INTU: variants seen among roughly 807,000 people sequenced by gnomAD.
INTU encodes protein inturned.
Under a neutral mutation model 100.5 loss-of-function variants are expected in INTU, and 68 were observed. The observed-to-expected ratio is 0.68, with a 90% CI of 0.56 to 0.83. The LOEUF (loss-of-function observed/expected upper bound fraction) is 0.83, where lower values mean the gene tolerates loss of function less well. Among genes scored for constraint, INTU ranks in the 40% least tolerant of loss-of-function variants. The probability of loss-of-function intolerance (pLI) is 0.00; values close to 1 mark genes in which losing one functional copy is unlikely to be tolerated. For synonymous variants in INTU, 357 were observed against 395.7 expected (o/e 0.90, Z 1.16); for missense variants, 1,071 against 1,114.7 (o/e 0.96, Z 0.56).
intron 2 of INTU, among the ~76,000 whole-genome samples, chr4:127,650,174 G>A (rs1284973615): frequency 2.6e-5 from 4 of 152,042 alleles, no homozygotes; most frequent in Non-Finnish European, 4.4e-5. Context: ...ATGCCACATG[G>A]ATTTAATTAG....
rs182926878 is a variant in INTU at position 127,691,490 on chromosome 4, A to G, written c.1449+3623A>G. 1.6e-3 allele frequency among the ~76,000 whole-genome samples: 239 copies of G among 152,090 alleles called. 1 individual carries two copies. The highest frequency in any genetic ancestry group is 7.1e-3 in the South Asian group (34 of 4,822). Reference sequence around the variant, plus strand: ...TCTAGTTCTGTCTCATTGTTATTTTAATTTGCATTTCCCTGATGACCATAT... The same window carrying G: ...TCTAGTTCTGTCTCATTGTTATTTTGATTTGCATTTCCCTGATGACCATAT... On this transcript the variant is annotated intron_variant, in intron 8 of 15. Coordinates refer to ENST00000335251, the MANE Select transcript of INTU (RefSeq NM_015693.4).
At chr4:127,703,233 C>A (rs1730725838) in intron 9 of INTU, among the ~76,000 whole-genome samples, 1 of 152,014 alleles carries the variant, frequency 6.6e-6, no homozygotes, top group Admixed American at 6.6e-5. Flanking sequence ...TATCCATTCC[C>A]CAATTGAGGA....
At chr4:127,644,531 A>G (rs1727483953) in intron 2 of INTU, among the ~76,000 whole-genome samples, 1 of 152,218 alleles carries the variant, frequency 6.6e-6, no homozygotes, top group African/African-American at 2.4e-5. Flanking sequence ...ATTTTGCAAC[A>G]GTGGTGTTAT....
intron 6 of INTU, among the ~76,000 whole-genome samples, chr4:127,681,898 A>T (rs550636122): frequency 1.4e-3 from 213 of 152,244 alleles, no homozygotes; most frequent in Non-Finnish European, 2.7e-3. Flanking sequence ...AACTCAAACA[A>T]ATCTGCAAGA....
At chr4:127,679,367 A>G (rs1459660173) in intron 6 of INTU, among the ~76,000 whole-genome samples, 1 of 152,154 alleles carries the variant, frequency 6.6e-6, no homozygotes, top group Admixed American at 6.5e-5. Context: ...AGCTCTCCTC[A>G]GCAAATGTAA....
At chr4:127,650,180 A>C (rs529005382) in intron 2 of INTU, among the ~76,000 whole-genome samples, 5 of 152,248 alleles carry the variant, frequency 3.3e-5, no homozygotes, top group Non-Finnish European at 7.4e-5. Flanking sequence ...CATGGATTTA[A>C]TTAGAATTTC....
intron 3 of INTU, among the ~76,000 whole-genome samples, chr4:127,662,778 A>T (rs149868701): frequency 0.012 from 1,810 of 151,788 alleles, 16 homozygotes; most frequent in South Asian, 0.037. Context: ...TGAAATTAAA[A>T]CTCTCTTGAT....
At chr4:127,695,282 A>T (rs960971551) in intron 8 of INTU, among the ~76,000 whole-genome samples, 1 of 152,156 alleles carries the variant, frequency 6.6e-6, no homozygotes, top group Non-Finnish European at 1.5e-5. Context: ...TTCAAATTCC[A>T]CTTATTCATC....
At chr4:127,696,653 TA>T (rs778681983) in intron 8 of INTU, among the ~76,000 whole-genome samples, 7 of 152,142 alleles carry the variant, frequency 4.6e-5, no homozygotes, top group Non-Finnish European at 1.0e-4. Flanking sequence ...GATTTTTCTC[TA>T]CGGCTTTCCT....
intron 7 of INTU, chr4:127,685,545 T>TACC: frequency 2.2e-6 from 1 of 448,738 alleles, no homozygotes; most frequent in Non-Finnish European, 4.5e-6. Context: ...TCAAACCTGA[T>TACC]TGCTTACCAA....
rs372867997 is a variant in INTU at position 127,656,585 on chromosome 4, A to G, written c.683-51A>G. ...TTTAATGTTCCAATTCTAGACCTCTATGGTTTTTAGATATTCATAAAACTA... is the reference window on the plus strand; with the variant it reads ...TTTAATGTTCCAATTCTAGACCTCTGTGGTTTTTAGATATTCATAAAACTA... On this transcript the variant is annotated intron_variant, in intron 2 of 15. Coordinates refer to ENST00000335251, the MANE Select transcript of INTU (RefSeq NM_015693.4). The G allele has an allele frequency of 4.6e-6, 6 of 1,314,746 alleles. No individual in the cohort carries two copies. In the African/African-American group the frequency reaches 5.8e-5, roughly 13 times the overall value. The allele number at this position is 1,314,746 out of a possible 1,614,324, so 81.4% of individuals were successfully genotyped here.
In INTU at chr4:127,674,203, C is replaced by T. The variant is rs1560851963; in HGVS notation, c.1171C>T (p.Pro391Ser). ...TGACAAGTTGTTGCTAATTGGCCTG[C>T]CTGCTGAAGAGTAAGTTGAGGTTTT... ...ESDKLLLIGL[P>S]AEEVPLPRLR... The change falls in exon 6 of 16, where the codon CCT becomes TCT. Residue 391 changes from proline (P) to serine (S), a missense_variant. By Grantham distance (74) the Pro-to-Ser change is moderately conservative. Transcript: ENST00000335251. 3.1e-6 allele frequency: 5 copies of T among 1,608,216 alleles called. No homozygotes were observed. Among genetic ancestry groups the T allele is most frequent in the Non-Finnish European group, 4.2e-6 (5 of 1,176,844 alleles).
At chr4:127,656,143 A>G (rs1458641212) in intron 2 of INTU, among the ~76,000 whole-genome samples, 6 of 151,986 alleles carry the variant, frequency 3.9e-5, no homozygotes, top group African/African-American at 9.7e-5. Flanking sequence ...AGTGAGATGA[A>G]CCCGGTACCT....
At position 127,715,468 on chromosome 4, in the gene INTU, C is replaced by T. The variant is rs76137824; in HGVS notation, c.2718-857C>T. 5.4e-3 allele frequency among the ~76,000 whole-genome samples: 819 copies of T among 152,228 alleles called. 6 individuals are homozygous for T. Among genetic ancestry groups the T allele is most frequent in the Middle Eastern group, 0.02 (6 of 294 alleles). On this transcript the variant is annotated intron_variant, in intron 15 of 15. Transcript: ENST00000335251. Reference sequence around the variant, plus strand: ...CTTGTTAAAATCTGAGATGCCTGGGCCCCAGACCTACTAAATCAAAATCTG... The same window carrying T: ...CTTGTTAAAATCTGAGATGCCTGGGTCCCAGACCTACTAAATCAAAATCTG...
rs1219215096 is a variant in INTU at position 127,724,309 on chromosome 4, A to AC, written c.*7875dup. 1 of 152,030 alleles carries AC rather than the reference A, an allele frequency of 6.6e-6. No homozygotes were observed. The highest frequency in any genetic ancestry group is 1.5e-5 in the Non-Finnish European group (1 of 68,138). The allele number at this position is 152,030 out of a possible 1,614,324, so 9.4% of individuals were successfully genotyped here. On this transcript the variant is annotated 3_prime_UTR_variant, in exon 16 of 16. Transcript: ENST00000335251. ...GTGGTGTGCACCTGTAATCCTAGCT[A>AC]CCTAGGAGGCTGAGGCAGGAGAATC...
At chr4:127,678,461 A>C (rs1729345489) in intron 6 of INTU, among the ~76,000 whole-genome samples, 1 of 152,226 alleles carries the variant, frequency 6.6e-6, no homozygotes, top group Non-Finnish European at 1.5e-5. Context: ...ATTCTTAAAG[A>C]GAAGAATTTT....
At position 127,663,584 on chromosome 4, in the gene INTU, G is replaced by A. The variant is rs2126200190; in HGVS notation, c.972G>A (p.Glu324=). ...LQLDSETSKE[E]QEILYHYPMS... ...TCGACTCAGAAACCTCAAAGGAAGA[G>A]GTGAGTGTCCTCAAAAGTCCAAAGG... Residue 324 remains glutamate, a splice_region_variant and synonymous_variant, in exon 4 of 16, where the codon GAG becomes GAA. Coordinates refer to ENST00000335251, the MANE Select transcript of INTU (RefSeq NM_015693.4). The A allele has an allele frequency of 3.1e-6, 5 of 1,612,024 alleles. No homozygotes were observed. In the East Asian group the frequency reaches 1.1e-4, roughly 36 times the overall value.
chr4:127,642,064 G>T (rs1013659729), intron 1 of INTU, among the ~76,000 whole-genome samples: 1 of 151,964 alleles, frequency 6.6e-6, no homozygotes, highest in Non-Finnish European at 1.5e-5. Flanking sequence ...AGTAATTAAT[G>T]TGCAATCATG....
intron 14 of INTU, among the ~76,000 whole-genome samples, chr4:127,711,397 G>GT (rs1417438771): frequency 2.0e-5 from 3 of 152,140 alleles, no homozygotes; most frequent in Non-Finnish European, 2.9e-5. Context: ...TGATATCTGT[G>GT]ACTCAACCAT....
Sources: allele counts gnomAD v4.1 joint callset (sites outside exome capture counted in the v4.1 genomes callset), GRCh38; gene constraint gnomAD v4.1.1; transcripts MANE v1.5; gene names NCBI Gene and HGNC (gene_info 2026-07-23, HGNC 2026-07-21).